Variants in OGFOD3 observed in about 807,000 individuals in gnomAD.
The protein encoded by OGFOD3 is 2-oxoglutarate and iron dependent oxygenase domain containing 3.
Under a neutral mutation model 39.8 loss-of-function variants are expected in OGFOD3, and 35 were observed. The observed-to-expected ratio is 0.88, with a 90% CI of 0.67 to 1.17. The LOEUF is 1.17. Among genes scored for constraint, OGFOD3 ranks in the 50% most tolerant of loss-of-function variants. The probability of loss-of-function intolerance (pLI) is 0.00; values close to 1 mark genes in which losing one functional copy is unlikely to be tolerated. For synonymous variants in OGFOD3, 200 were observed against 192.0 expected, an observed-to-expected ratio of 1.04 and a Z score of -0.34; for missense variants, 438 against 454.5, an observed-to-expected ratio of 0.96 and a Z score of 0.33.
intron 1 of OGFOD3, among the ~76,000 whole-genome samples, chr17:82,416,590 G>A (rs2053044372): frequency 1.3e-5 from 2 of 152,168 alleles, no homozygotes; most frequent in Admixed American, 1.3e-4. Context: ...AGGGGCTTTG[G>A]ACACATGTAT....
In OGFOD3 at chr17:82,405,370, C is replaced by T; in HGVS notation, c.499G>A (p.Asp167Asn). The T allele has an allele frequency of 6.2e-7, 1 of 1,613,610 alleles. No homozygotes were observed. The highest frequency in any genetic ancestry group is 8.5e-7 in the Non-Finnish European group (1 of 1,179,510). Reference protein sequence around the residue: ...HFVNLYRYFGDKIQNIFSEED... With the variant: ...HFVNLYRYFGNKIQNIFSEED... ...TCTGAGAAGATGTTCTGTATTTTAT[C>T]CCCGAAGTATCTGTGAAAAAAGGAG... Residue 167 changes from aspartate (D) to asparagine (N), a missense_variant, in exon 6 of 9, where the codon GAT becomes AAT. Physicochemically the swap from Asp to Asn is conservative, Grantham distance 23. Transcript: ENST00000313056.
chr17:82,414,975 C>A (rs1346005272), intron 2 of OGFOD3, among the ~76,000 whole-genome samples: 1 of 152,190 alleles, frequency 6.6e-6, no homozygotes, highest in African/African-American at 2.4e-5. Flanking sequence ...GGAACCACCA[C>A]CTCCCGCATC....
At position 82,415,585 on chromosome 17, in the gene OGFOD3, C is replaced by G; in HGVS notation, c.117G>C (p.Trp39Cys). 6.2e-7 allele frequency: 1 copy of G among 1,613,484 alleles called. No homozygotes were observed. The highest frequency in any genetic ancestry group is 8.5e-7 in the Non-Finnish European group (1 of 1,179,916). The change falls in exon 2 of 9, where the codon TGG becomes TGC. Residue 39 changes from tryptophan (W) to cysteine (C), a missense_variant. By Grantham distance (215) the Trp-to-Cys change is radical (BLOSUM62 -2). Coordinates refer to ENST00000313056, the MANE Select transcript of OGFOD3 (RefSeq NM_024648.3). The surrounding 1 kb of genome is among the most constrained non-coding windows in gnomAD (Gnocchi z 5.3). ...CCGCGGTCCTTAGCCACGGCCTCTG[C>G]CACAGCCTCTGCACCTCCCGCGGGG... is the stretch of plus-strand genomic sequence containing the variant. ...DRAPREVQRL[W>C]QRPWLRTAGL...
chr17:82,390,224 G>C lies in OGFOD3; in HGVS notation c.*2174C>G, dbSNP rs1412508308. The C allele has an allele frequency of 6.6e-6, 1 of 152,184 alleles. No individual in the cohort carries two copies. Among genetic ancestry groups the C allele is most frequent in the Non-Finnish European group, 1.5e-5 (1 of 68,050 alleles). 9.4% of individuals were successfully genotyped at this position (152,184 alleles called of 1,614,324 possible). A position where few individuals can be genotyped will look rare whatever the true frequency, so the allele number is the denominator to read the frequency against. On this transcript the variant is annotated 3_prime_UTR_variant, in exon 9 of 9. Coordinates refer to ENST00000313056, the MANE Select transcript of OGFOD3 (RefSeq NM_024648.3). The surrounding 1 kb of genome is among the most constrained non-coding windows in gnomAD (Gnocchi z 4.9). ...ATCCTTTAGACGTGGCGAGAAGCCGGCGACATCATCATTTACTCCAAGGTG... is the reference window on the plus strand; with the variant it reads ...ATCCTTTAGACGTGGCGAGAAGCCGCCGACATCATCATTTACTCCAAGGTG...
Position 82,401,122 on chromosome 17 carries a change from G to T in OGFOD3, c.700-2803C>A, listed in dbSNP as rs1337523036. On this transcript the variant is annotated intron_variant, in intron 7 of 8. Coordinates refer to ENST00000313056, the MANE Select transcript of OGFOD3 (RefSeq NM_024648.3). ...GTCCCAGGCCTTGGGTTCCTTCACT[G>T]TTCCTGTTCCCTTGGGTTTACCTTT... The T allele has an allele frequency of 2.7e-5, 4 of 150,828 alleles. No homozygotes were observed. In the East Asian group the frequency reaches 7.8e-4, roughly 30 times the overall value. 9.3% of individuals were successfully genotyped at this position (150,828 alleles called of 1,614,324 possible). A position where few individuals can be genotyped will look rare whatever the true frequency, so the allele number is the denominator to read the frequency against.
rs770396037 is a variant in OGFOD3, at chr17:82,415,378, G to T, written c.304+20C>A. The T allele has an allele frequency of 3.1e-5, 49 of 1,602,702 alleles. No homozygotes were observed. Among genetic ancestry groups the T allele is most frequent in the African/African-American group, 4.0e-5 (3 of 74,694 alleles). On this transcript the variant is annotated intron_variant, in intron 2 of 8. Coordinates refer to ENST00000313056, the MANE Select transcript of OGFOD3 (RefSeq NM_024648.3). This position sits in a 1 kb window ranked among gnomAD's most constrained non-coding sequence, Gnocchi z 5.3. ...TAACCACACTGAGTCTCATTTTAAA[G>T]TGTTGCTTTCCTGAACTACCTTCGA...
rs867406414 is a variant in OGFOD3 at position 82,390,981 on chromosome 17, C to T, written c.*1417G>A. On this transcript the variant is annotated 3_prime_UTR_variant, in exon 9 of 9. Transcript: ENST00000313056. The surrounding 1 kb of genome is among the most constrained non-coding windows in gnomAD (Gnocchi z 4.9). Reference sequence around the variant, plus strand: ...CCCTTTATCAACCCCCAGAGCAGCTCCCGGGCCACAGGTGGGGCCTCCTCC... The same window carrying T: ...CCCTTTATCAACCCCCAGAGCAGCTTCCGGGCCACAGGTGGGGCCTCCTCC... 17 of 188,248 alleles carry T rather than the reference C, an allele frequency of 9.0e-5. No homozygotes were observed. Among genetic ancestry groups the T allele is most frequent in the Middle Eastern group, 2.5e-3 (1 of 396 alleles). The allele number at this position is 188,248 out of a possible 1,614,324, so 11.7% of individuals were successfully genotyped here.
In OGFOD3 at chr17:82,392,617, A is replaced by C. The variant is rs1599682131; in HGVS notation, c.824-83T>G. The C allele has an allele frequency of 6.8e-7, 1 of 1,477,694 alleles. No individual in the cohort carries two copies. The allele number at this position is 1,477,694 out of a possible 1,614,324, so 91.5% of individuals were successfully genotyped here. ...CAGAGGGTCTGCGGTCACCTGAAAG[A>C]GCAACTATAACCAATCAACACAACC... is the stretch of plus-strand genomic sequence containing the variant. On this transcript the variant is annotated intron_variant, in intron 8 of 8. Coordinates refer to ENST00000313056, the MANE Select transcript of OGFOD3 (RefSeq NM_024648.3). The surrounding 1 kb of genome is among the most constrained non-coding windows in gnomAD (Gnocchi z 4.2).
At chr17:82,403,796 C>A (rs1339756803) in intron 7 of OGFOD3, 141 bp downstream of exon 7, 4 of 1,141,652 alleles carry the variant, frequency 3.5e-6, no homozygotes, top group Non-Finnish European at 5.0e-6. Context: ...TCACCCTGCC[C>A]ACGTACGCAC....
At chr17:82,407,265 C>CA (rs35103178) in intron 4 of OGFOD3, among the ~76,000 whole-genome samples, 228 of 138,950 alleles carry the variant, frequency 1.6e-3, no homozygotes, top group Middle Eastern at 7.5e-3. Context: ...AACTCCATCT[C>CA]AAAAAAAAAA....
chr17:82,412,194 ATGC>A (rs2052958918), intron 2 of OGFOD3, among the ~76,000 whole-genome samples: 1 of 152,172 alleles, frequency 6.6e-6, no homozygotes, highest in East Asian at 1.9e-4. Context: ...TGCTCCGCAC[ATGC>A]CCCTGTCTCT....
At chr17:82,418,365 G>GC in intron 1 of OGFOD3, 47 bp downstream of exon 1, 1 of 1,175,828 alleles carries the variant, frequency 8.5e-7, no homozygotes. Context: ...CCACTCCATG[G>GC]CCCTGTCCGC....
At position 82,390,492 on chromosome 17, in the gene OGFOD3, G is replaced by A. The variant is rs1355145682; in HGVS notation, c.*1906C>T. ...CCTCCCAGATCCATGGAGTCCTTCAGAATCGTGCCTCGCTCCAGTGTCCCA... is the reference window on the plus strand; with the variant it reads ...CCTCCCAGATCCATGGAGTCCTTCAAAATCGTGCCTCGCTCCAGTGTCCCA... On this transcript the variant is annotated 3_prime_UTR_variant, in exon 9 of 9. Transcript: ENST00000313056. The surrounding 1 kb of genome is among the most constrained non-coding windows in gnomAD (Gnocchi z 4.9). The A allele has an allele frequency of 3.3e-5, 5 of 152,784 alleles. No individual in the cohort carries two copies. In the East Asian group the frequency reaches 9.6e-4, roughly 29 times the overall value. 9.5% of individuals were successfully genotyped at this position (152,784 alleles called of 1,614,324 possible). A position where few individuals can be genotyped will look rare whatever the true frequency, so the allele number is the denominator to read the frequency against.
rs148374196 is a variant in OGFOD3 at position 82,415,036 on chromosome 17, C to T, written c.304+362G>A. 7.8e-3 allele frequency among the ~76,000 whole-genome samples: 1,192 copies of T among 152,304 alleles called. 4 individuals are homozygous for T. Among genetic ancestry groups the T allele is most frequent in the Non-Finnish European group, 0.014 (924 of 68,024 alleles). On this transcript the variant is annotated intron_variant, in intron 2 of 8. Transcript: ENST00000313056. The surrounding 1 kb of genome is among the most constrained non-coding windows in gnomAD (Gnocchi z 5.3). ...GGGGGAGGGGAGCTGGGGCACAGGA[C>T]GGCAGAAGGGCTGCTGGTCGTTTCT...
chr17:82,412,491 G>A (rs1381803148), intron 2 of OGFOD3, among the ~76,000 whole-genome samples: 1 of 150,586 alleles, frequency 6.6e-6, no homozygotes, highest in Non-Finnish European at 1.5e-5. Context: ...TGGGGCAGCG[G>A]CAGTGTCGTT....
intron 8 of OGFOD3, chr17:82,393,194 T>C (rs2052619759): frequency 6.6e-6 from 1 of 152,220 alleles, no homozygotes; most frequent in African/African-American, 2.4e-5. Context: ...GGTAAAGCGT[T>C]CACCGCTGGA....
At position 82,406,214 on chromosome 17, in the gene OGFOD3, C is replaced by A. The variant is rs2052853472; in HGVS notation, c.488+204G>T. On this transcript the variant is annotated intron_variant, in intron 5 of 8. Coordinates refer to ENST00000313056, the MANE Select transcript of OGFOD3 (RefSeq NM_024648.3). The surrounding 1 kb of genome is among the most constrained non-coding windows in gnomAD (Gnocchi z 5.2). ...CATGAACAAGCCCCCTGCCCACAGGCTGTGGAGAGTCCACACCTCCCAGCT... is the reference window on the plus strand; with the variant it reads ...CATGAACAAGCCCCCTGCCCACAGGATGTGGAGAGTCCACACCTCCCAGCT... Among the ~76,000 whole-genome samples, 5 of 152,248 alleles carry A rather than the reference C, an allele frequency of 3.3e-5. No homozygotes were observed. In the South Asian group the frequency reaches 1.0e-3, roughly 31 times the overall value.
chr17:82,410,798 A>C (rs1462679409), intron 3 of OGFOD3, among the ~76,000 whole-genome samples: 2 of 142,660 alleles, frequency 1.4e-5, no homozygotes, highest in African/African-American at 5.3e-5. Context: ...GGCTCACTGC[A>C]ATCCCTGCCT....
At chr17:82,414,955 G>C (rs1333589836) in intron 2 of OGFOD3, among the ~76,000 whole-genome samples, 2 of 152,158 alleles carry the variant, frequency 1.3e-5, no homozygotes, top group East Asian at 3.9e-4. Flanking sequence ...TCCAGGCTCT[G>C]GGCTGCCCTG....
Sources: allele counts gnomAD v4.1 joint callset (sites outside exome capture counted in the v4.1 genomes callset), GRCh38; gene constraint gnomAD v4.1.1; non-coding constraint Gnocchi (gnomAD v3.1); transcripts MANE v1.5; gene names NCBI Gene and HGNC (gene_info 2026-07-23, HGNC 2026-07-21).